The following AZIN1 variants were observed in gnomAD, a reference collection of about 807,000 sequenced individuals.
The protein encoded by AZIN1 is ornithine decarboxylase antizyme inhibitor.
AZIN1 carries 12 observed loss-of-function variants against 47.4 expected under a neutral mutation model. The ratio of observed to expected loss-of-function variants is 0.25; its 90% CI spans 0.16 to 0.41. The LOEUF is 0.41. Among genes scored for constraint, AZIN1 ranks in the 10% least tolerant of loss-of-function variants. The pLI is 1.00. For missense variants in AZIN1, 410 were observed against 532.4 expected, an observed-to-expected ratio of 0.77 and a Z score of 2.26; for synonymous variants, 155 against 176.3, an observed-to-expected ratio of 0.88 and a Z score of 0.96.
At chr8:102,850,594 A>C (rs1430580539) in intron 2 of AZIN1, among the ~76,000 whole-genome samples, 2 of 152,144 alleles carry the variant, frequency 1.3e-5, no homozygotes, top group Middle Eastern at 3.2e-3. Flanking sequence ...AAATCCTATA[A>C]ATTTAGTGAT....
rs1813951726 is a variant in AZIN1, at chr8:102,864,096, A to C, written c.-523T>G. 1.1e-5 allele frequency: 2 copies of C among 174,302 alleles called. No individual in the cohort carries two copies. Among genetic ancestry groups the C allele is most frequent in the Non-Finnish European group, 2.4e-5 (2 of 82,656 alleles). The allele number at this position is 174,302 out of a possible 1,614,324, so 10.8% of individuals were successfully genotyped here. A position where few individuals can be genotyped will look rare whatever the true frequency, so the allele number is the denominator to read the frequency against. On this transcript the variant is annotated 5_prime_UTR_variant, in exon 1 of 12. Coordinates refer to ENST00000337198, the MANE Select transcript of AZIN1 (RefSeq NM_148174.4). ...AGCAGCAGAGCGAGAAAGGATGAGAAGAGGCAGAGAAGGCGACGGCAGAAG... is the reference window on the plus strand; with the variant it reads ...AGCAGCAGAGCGAGAAAGGATGAGACGAGGCAGAGAAGGCGACGGCAGAAG...
In AZIN1 at chr8:102,829,720, C is replaced by T. The variant is rs182834057; in HGVS notation, c.1020+101G>A. On this transcript the variant is annotated intron_variant, in intron 10 of 11. Coordinates refer to ENST00000337198, the MANE Select transcript of AZIN1 (RefSeq NM_148174.4). The stretch of plus-strand genomic sequence containing the variant: ...CAAATCCTCAAAAAGGACATTTTTC[C>T]CCATTCTAAGATGTTTTTCAAAAAA... 1.4e-4 allele frequency: 139 copies of T among 959,290 alleles called. 1 individual carries two copies. The East Asian group carries it at 3.0e-3, about 21-fold the overall frequency. The allele number at this position is 959,290 out of a possible 1,614,324, so 59.4% of individuals were successfully genotyped here. A position where few individuals can be genotyped will look rare whatever the true frequency, so the allele number is the denominator to read the frequency against.
intron 1 of AZIN1, among the ~76,000 whole-genome samples, chr8:102,860,300 T>C (rs1813550217): frequency 6.6e-6 from 1 of 152,230 alleles, no homozygotes; most frequent in Non-Finnish European, 1.5e-5. Context: ...TCTCGCTCTG[T>C]CACCCAGGCT....
Position 102,839,811 on chromosome 8 carries a change from C to T in AZIN1, c.115G>A (p.Ala39Thr). ...VYEHTLTGKN[A>T]FFVGDLGKIV... is the part of the protein sequence containing the mutation. The stretch of plus-strand genomic sequence containing the variant: ...TTTCCAAGATCTCCCACAAAAAATG[C>T]ATTTTTCCCTGTCTATTATGGTTAT... The change falls in exon 4 of 12, where the codon GCA (alanine) becomes ACA (threonine). Residue 39 changes from alanine to threonine, a missense_variant. Coordinates refer to ENST00000337198, the MANE Select transcript of AZIN1 (RefSeq NM_148174.4). 2 of 1,594,352 alleles carry T rather than the reference C, an allele frequency of 1.3e-6. No homozygotes were observed. Among genetic ancestry groups the T allele is most frequent in the Non-Finnish European group, 8.5e-7 (1 of 1,172,024 alleles).
intron 5 of AZIN1, 152 bp downstream of exon 5, chr8:102,838,592 T>C: frequency 1.8e-6 from 1 of 566,338 alleles, no homozygotes; most frequent in East Asian, 3.1e-5. Context: ...AATAAAATGT[T>C]ACTAGTGTTT....
At chr8:102,840,368 G>A (rs952922434) in intron 3 of AZIN1, among the ~76,000 whole-genome samples, 3 of 152,080 alleles carry the variant, frequency 2.0e-5, no homozygotes, top group African/African-American at 4.8e-5. Flanking sequence ...AAGAGTTGAG[G>A]TCTTGCTCTG....
At chr8:102,858,589 C>CG (rs1563551656) in intron 1 of AZIN1, among the ~76,000 whole-genome samples, 1 of 152,074 alleles carries the variant, frequency 6.6e-6, no homozygotes, top group African/African-American at 2.4e-5. Context: ...TGGAACCACC[C>CG]AGAACACTCT....
chr8:102,856,119 T>C (rs867062282), intron 2 of AZIN1: 1 of 148,306 alleles, frequency 6.7e-6, no homozygotes, highest in South Asian at 2.1e-4. Flanking sequence ...CCCAAATCAG[T>C]TAAGGTCACA....
In AZIN1 at chr8:102,826,449, T is replaced by A. The variant is rs140334150; in HGVS notation, c.*2118A>T. On this transcript the variant is annotated 3_prime_UTR_variant, in exon 12 of 12. Transcript: ENST00000337198. Reference sequence around the variant, plus strand: ...TATATAGAAATCATTGGGTTTTATATTTGCAGTTAACTTTTGAACTGAGAT... The same window carrying A: ...TATATAGAAATCATTGGGTTTTATAATTGCAGTTAACTTTTGAACTGAGAT... 0.032 allele frequency: 4,877 copies of A among 152,748 alleles called. 111 individuals are homozygous for A. Among genetic ancestry groups the A allele is most frequent in the Non-Finnish European group, 0.046 (3,103 of 68,030 alleles). 9.5% of individuals were successfully genotyped at this position (152,748 alleles called of 1,614,324 possible).
At chr8:102,839,925 G>T in intron 3 of AZIN1, 102 bp from the exon 4 acceptor site, 1 of 742,232 alleles carries the variant, frequency 1.3e-6, no homozygotes, top group Non-Finnish European at 2.1e-6. Flanking sequence ...AAATATATGG[G>T]TCAAGACATA....
intron 2 of AZIN1, chr8:102,855,829 G>A (rs776979009): frequency 3.9e-5 from 6 of 152,132 alleles, no homozygotes; most frequent in Admixed American, 2.0e-4. Context: ...TCTGGAATGC[G>A]GAATTTTCTC....
intron 9 of AZIN1, among the ~76,000 whole-genome samples, chr8:102,830,401 C>CAAAAAAAA (rs34437491): frequency 4.4e-5 from 4 of 90,558 alleles, no homozygotes; most frequent in Non-Finnish European, 4.5e-5. Flanking sequence ...GACCCTGTCT[C>CAAAAAAAA]AAAAAAAAAA....
At chr8:102,832,681 C>G (rs1811537435) in intron 9 of AZIN1, among the ~76,000 whole-genome samples, 1 of 151,458 alleles carries the variant, frequency 6.6e-6, no homozygotes, top group Non-Finnish European at 1.5e-5. Context: ...ACTCTTGTCA[C>G]CCAGGCTGGA....
At chr8:102,863,288 G>A (rs952993030) in intron 1 of AZIN1, among the ~76,000 whole-genome samples, 1 of 152,028 alleles carries the variant, frequency 6.6e-6, no homozygotes, top group Non-Finnish European at 1.5e-5. Context: ...GGCCCGCCCC[G>A]CTCCATTCAT....
rs563418125 is a variant in AZIN1 at position 102,843,769 on chromosome 8, A to G, written c.-95-22T>C. 1.5e-4 allele frequency: 220 copies of G among 1,446,442 alleles called. 1 individual carries two copies. The South Asian group carries it at 3.0e-3, about 20-fold the overall frequency. 89.6% of individuals were successfully genotyped at this position (1,446,442 alleles called of 1,614,324 possible). ...CAAACTGTCAAAATATAAGTTATATAAAAGTCTGTATTATTTCAATAGACA... is the reference window on the plus strand; with the variant it reads ...CAAACTGTCAAAATATAAGTTATATGAAAGTCTGTATTATTTCAATAGACA... On this transcript the variant is annotated intron_variant, in intron 2 of 11. Coordinates refer to ENST00000337198, the MANE Select transcript of AZIN1 (RefSeq NM_148174.4).
At chr8:102,838,989 A>G (rs1339368380) in intron 4 of AZIN1, 73 bp from the exon 5 acceptor site, 2 of 1,343,034 alleles carry the variant, frequency 1.5e-6, no homozygotes, top group Non-Finnish European at 2.1e-6. Flanking sequence ...CTCTAATACT[A>G]TTACCCCCAC....
At chr8:102,843,230 T>C (rs1347975722) in intron 3 of AZIN1, among the ~76,000 whole-genome samples, 1 of 146,504 alleles carries the variant, frequency 6.8e-6, no homozygotes, top group Non-Finnish European at 1.5e-5. Context: ...AAAAGAAAAT[T>C]GAGAAAAATG....
In AZIN1 at chr8:102,839,754, C is replaced by T. The variant is rs766515161; in HGVS notation, c.172G>A (p.Val58Ile). Residue 58 changes from valine (V) to isoleucine (I), a missense_variant, in exon 4 of 12, where the codon GTA becomes ATA. This residue lies in a region of AZIN1 where 237 missense variants were observed against 309.4 expected (regional missense o/e 0.77). Transcript: ENST00000337198. ...TAGAATGGCTTTATCTGAGCCACTA[C>T]ATTCTGCCATTGACTGTGTTTCTTC... Reference protein sequence around the residue: ...IVKKHSQWQNVVAQIKPFYTV... With the variant: ...IVKKHSQWQNIVAQIKPFYTV... The T allele has an allele frequency of 1.2e-6, 2 of 1,608,364 alleles. No individual in the cohort carries two copies. Among genetic ancestry groups the T allele is most frequent in the South Asian group, 2.2e-5 (2 of 89,828 alleles).
At chr8:102,832,938 C>A in intron 9 of AZIN1, 118 bp downstream of exon 9, 1 of 903,586 alleles carries the variant, frequency 1.1e-6, no homozygotes. Context: ...CCACGCCCGG[C>A]CAGTTTTAAG....
Sources: gnomAD v4.1 joint callset for allele counts (sites outside exome capture counted in the v4.1 genomes callset) on GRCh38, gnomAD v4.1.1 for gene constraint, gnomAD v4.1.1 regional missense constraint, MANE v1.5 for transcripts, NCBI Gene and HGNC (gene_info 2026-07-23, HGNC 2026-07-21) for gene names.